The following VPS13B variants were observed in gnomAD, a reference collection of about 807,000 sequenced individuals.
The protein encoded by VPS13B is intermembrane lipid transfer protein VPS13B.
Under a neutral mutation model 426.4 loss-of-function variants are expected in VPS13B, and 285 were observed. The observed-to-expected ratio is 0.67, with a 90% CI of 0.61 to 0.74. The LOEUF (loss-of-function observed/expected upper bound fraction) is 0.74, where lower values mean the gene tolerates loss of function less well. Among genes scored for constraint, VPS13B ranks in the 30% least tolerant of loss-of-function variants. VPS13B has a pLI of 0.00. For synonymous variants in VPS13B, 1,676 were observed against 1,676.4 expected (o/e 1.00, Z 0.01); for missense variants, 4,537 against 4,782.6 (o/e 0.95, Z 1.51).
intron 19 of VPS13B, among the ~76,000 whole-genome samples, chr8:99,343,022 C>T (rs1357088752): frequency 6.6e-6 from 1 of 151,642 alleles, no homozygotes; most frequent in East Asian, 1.9e-4. Context: ...TTTTCATGTA[C>T]CTGTTTGCCT....
chr8:99,340,280 T>G, intron 19 of VPS13B: 1 of 239,840 alleles, frequency 4.2e-6, no homozygotes, highest in Admixed American at 5.5e-5. Context: ...GATGGAGGAG[T>G]TGTTGTTACA....
intron 16 of VPS13B, among the ~76,000 whole-genome samples, chr8:99,177,789 G>C (rs1812715683): frequency 6.6e-6 from 1 of 152,094 alleles, no homozygotes; most frequent in South Asian, 2.1e-4. Flanking sequence ...CTTTAAATTT[G>C]ATTTTTGGTT....
intron 17 of VPS13B, chr8:99,234,429 C>T: frequency 4.5e-6 from 3 of 659,922 alleles, no homozygotes; most frequent in Non-Finnish European, 8.7e-6. Context: ...TAATCAACTT[C>T]CATGATTTTC....
intron 30 of VPS13B, among the ~76,000 whole-genome samples, chr8:99,537,466 G>C (rs1414419881): frequency 6.6e-6 from 1 of 152,006 alleles, no homozygotes; most frequent in Non-Finnish European, 1.5e-5. Flanking sequence ...ACATCTTTCA[G>C]GTTTGTTCTC....
intron 30 of VPS13B, among the ~76,000 whole-genome samples, chr8:99,541,974 CA>C (rs751694562): frequency 6.6e-6 from 1 of 152,148 alleles, no homozygotes; most frequent in East Asian, 1.9e-4. Context: ...TAAGTTTCTA[CA>C]GGGAAAAGTT....
chr8:99,388,412 G>A (rs957233659), intron 20 of VPS13B, among the ~76,000 whole-genome samples: 1 of 151,838 alleles, frequency 6.6e-6, no homozygotes, highest in African/African-American at 2.4e-5. Context: ...TTTTTAATTT[G>A]TTAAATTAAT....
intron 20 of VPS13B, among the ~76,000 whole-genome samples, chr8:99,386,608 C>T (rs956279797): frequency 2.6e-5 from 4 of 152,168 alleles, no homozygotes; most frequent in Non-Finnish European, 5.9e-5. Flanking sequence ...GAACCACCAT[C>T]GTGTATGCAA....
chr8:99,809,438 C>T lies in VPS13B; in HGVS notation c.8005C>T (p.His2669Tyr), dbSNP rs1813586628. 1.9e-6 allele frequency: 3 copies of T among 1,613,944 alleles called. No homozygotes were observed. The highest frequency in any genetic ancestry group is 2.5e-6 in the Non-Finnish European group (3 of 1,179,968). ...TTGGTCAGAGCCTTTCAGTGTGGAC[C>T]ATGCCGGGACTTTTATTAGAACAAT... is the stretch of plus-strand genomic sequence containing the variant. ...WRWSEPFSVD[H>Y]AGTFIRTIQY... Residue 2669 changes from histidine (H) to tyrosine (Y), a missense_variant, in exon 44 of 62, where the codon CAT (histidine) becomes TAT (tyrosine). Transcript: ENST00000357162.
chr8:99,413,994 G>C (rs1418100370), intron 21 of VPS13B, among the ~76,000 whole-genome samples: 1 of 152,156 alleles, frequency 6.6e-6, no homozygotes, highest in Non-Finnish European at 1.5e-5. Flanking sequence ...TTAATTTTCT[G>C]TCTCATTGAT....
At chr8:99,135,846 G>A in intron 11 of VPS13B, 113 bp downstream of exon 11, 4 of 1,417,254 alleles carry the variant, frequency 2.8e-6, no homozygotes, top group Middle Eastern at 1.9e-4. Context: ...AATGCTAATT[G>A]TTTATTAAAA....
intron 3 of VPS13B, among the ~76,000 whole-genome samples, chr8:99,041,937 G>A (rs1317387386): frequency 6.6e-6 from 1 of 151,792 alleles, no homozygotes. Flanking sequence ...GTACCACCTG[G>A]AACATAAATG....
intron 19 of VPS13B, chr8:99,341,604 G>A: frequency 5.4e-6 from 1 of 184,396 alleles, no homozygotes. Context: ...AGCTTTTCTT[G>A]CCAATTCATG....
At chr8:99,644,055 G>A (rs753645100) in intron 34 of VPS13B, among the ~76,000 whole-genome samples, 1 of 152,128 alleles carries the variant, frequency 6.6e-6, no homozygotes, top group African/African-American at 2.4e-5. Flanking sequence ...ATAGGTGGGT[G>A]GCCCGTACTA....
Position 99,875,727 on chromosome 8 carries a change from G to C in VPS13B, c.*61G>C. The C allele has an allele frequency of 6.3e-7, 1 of 1,599,450 alleles. No individual in the cohort carries two copies. The highest frequency in any genetic ancestry group is 8.6e-7 in the Non-Finnish European group (1 of 1,168,140). On this transcript the variant is annotated 3_prime_UTR_variant, in exon 62 of 62. Transcript: ENST00000357162. Reference sequence around the variant, plus strand: ...TTAGTTTTTGGGTTTCTTTGAGACAGGGTCTCACTGCATTGCCCTTGCTGA... The same window carrying C: ...TTAGTTTTTGGGTTTCTTTGAGACACGGTCTCACTGCATTGCCCTTGCTGA...
chr8:99,206,837 A>G (rs1441590033), intron 17 of VPS13B, among the ~76,000 whole-genome samples: 1 of 152,114 alleles, frequency 6.6e-6, no homozygotes, highest in Non-Finnish European at 1.5e-5. Flanking sequence ...TTTTCAAACT[A>G]CTTCCCCCAA....
intron 36 of VPS13B, among the ~76,000 whole-genome samples, chr8:99,704,215 G>C (rs1420318853): frequency 1.3e-5 from 2 of 152,160 alleles, no homozygotes; most frequent in African/African-American, 4.8e-5. Flanking sequence ...AAAGTAGAGA[G>C]AGAAAGCATA....
chr8:99,567,547 A>T (rs972398067), intron 31 of VPS13B, among the ~76,000 whole-genome samples: 1 of 151,368 alleles, frequency 6.6e-6, no homozygotes, highest in African/African-American at 2.4e-5. Flanking sequence ...CTAAATTTAT[A>T]CTGATACTTT....
intron 3 of VPS13B, 113 bp downstream of exon 3, chr8:99,038,679 CTTTT>C (rs34774482): frequency 0.028 from 4,638 of 166,544 alleles, no homozygotes; most frequent in South Asian, 0.045. Flanking sequence ...AGCTTATATA[CTTTT>C]TTTTTTTTTT....
intron 34 of VPS13B, among the ~76,000 whole-genome samples, chr8:99,658,896 G>A (rs1480708929): frequency 6.6e-6 from 1 of 152,100 alleles, no homozygotes; most frequent in Non-Finnish European, 1.5e-5. Flanking sequence ...GCTCACTGCA[G>A]CCTTAACCTC....
Sources: allele counts gnomAD v4.1 joint callset (sites outside exome capture counted in the v4.1 genomes callset), GRCh38; gene constraint gnomAD v4.1.1; transcripts MANE v1.5; gene names NCBI Gene and HGNC (gene_info 2026-07-23, HGNC 2026-07-21).